The following CPNE4 variants were observed in gnomAD, a reference collection of about 807,000 sequenced individuals.
The protein encoded by CPNE4 is copine-4.
Under a neutral mutation model 67.9 loss-of-function variants are expected in CPNE4, and 25 were observed. The observed-to-expected ratio is 0.37, with a 90% CI of 0.27 to 0.51. The LOEUF (loss-of-function observed/expected upper bound fraction) is 0.51. Ranked by LOEUF, CPNE4 falls within the 20% of genes least tolerant of loss-of-function variation. The probability of loss-of-function intolerance (pLI) is 0.93; values close to 1 mark genes in which losing one functional copy is unlikely to be tolerated. For missense variants in CPNE4, 464 were observed against 690.8 expected, an observed-to-expected ratio of 0.67 and a Z score of 3.68; for synonymous variants, 242 against 244.9, an observed-to-expected ratio of 0.99 and a Z score of 0.11.
At chr3:131,748,435 T>C (rs2082545981) in intron 2 of CPNE4, among the ~76,000 whole-genome samples, 1 of 152,002 alleles carries the variant, frequency 6.6e-6, no homozygotes, top group African/African-American at 2.4e-5. Context: ...GGTTTTGATA[T>C]CAGGATTATA....
intron 2 of CPNE4, among the ~76,000 whole-genome samples, chr3:131,761,653 C>A (rs1583157736): frequency 6.6e-6 from 1 of 152,078 alleles, no homozygotes; most frequent in East Asian, 1.9e-4. Context: ...CCCAAGGCAA[C>A]TAACACCTGC....
chr3:131,938,027 A>G (rs1258141214), intron 1 of CPNE4, among the ~76,000 whole-genome samples: 1 of 152,122 alleles, frequency 6.6e-6, no homozygotes, highest in African/African-American at 2.4e-5. Context: ...AGATTTTCCT[A>G]AAGAAAGAAA....
chr3:131,643,985 C>T (rs990268752), intron 7 of CPNE4, among the ~76,000 whole-genome samples: 2 of 152,066 alleles, frequency 1.3e-5, no homozygotes, highest in African/African-American at 4.8e-5. Flanking sequence ...TTCATAGCAG[C>T]GCGAGAGTGG....
chr3:131,761,849 A>G (rs1160333116), intron 2 of CPNE4, among the ~76,000 whole-genome samples: 4 of 152,174 alleles, frequency 2.6e-5, no homozygotes, highest in Admixed American at 2.6e-4. Flanking sequence ...CTCAAAAATC[A>G]TAATTATCTG....
Position 131,717,921 on chromosome 3 carries a change from T to TC in CPNE4, c.360+5524dup, listed in dbSNP as rs1553758947. Among the ~76,000 whole-genome samples, 112 of 146,604 alleles carry TC rather than the reference T, an allele frequency of 7.6e-4. 3 individuals are homozygous for TC. Among genetic ancestry groups the TC allele is most frequent in the African/African-American group, 2.5e-3 (102 of 40,044 alleles). Reference sequence around the variant, plus strand: ...TTCTTTCTTTCTTTCTTTCTTTCTTTCTTTCTTTCTTTCTTTCTTTCTTTT... The same window carrying TC: ...TTCTTTCTTTCTTTCTTTCTTTCTTTCCTTTCTTTCTTTCTTTCTTTCTTTT... On this transcript the variant is annotated intron_variant, in intron 3 of 15. Coordinates refer to ENST00000429747, the MANE Select transcript of CPNE4 (RefSeq NM_130808.3).
rs369180052 is a variant in CPNE4 at position 131,552,423 on chromosome 3, T to C, written c.1168+17A>G. The C allele has an allele frequency of 9.3e-6, 15 of 1,610,450 alleles. No individual in the cohort carries two copies. Among genetic ancestry groups the C allele is most frequent in the Admixed American group, 1.7e-5 (1 of 59,850 alleles). On this transcript the variant is annotated intron_variant, in intron 13 of 15. Coordinates refer to ENST00000429747, the MANE Select transcript of CPNE4 (RefSeq NM_130808.3). Reference sequence around the variant, plus strand: ...GGAAGGACTGTGACACTGGCTTTCTTTCACGTTGTGCTTTACCTGCACATT... The same window carrying C: ...GGAAGGACTGTGACACTGGCTTTCTCTCACGTTGTGCTTTACCTGCACATT...
At chr3:131,938,004 C>T (rs573120728) in intron 1 of CPNE4, among the ~76,000 whole-genome samples, 3 of 151,948 alleles carry the variant, frequency 2.0e-5, no homozygotes, top group African/African-American at 7.2e-5. Context: ...AGATAATACT[C>T]GAATAAAAAT....
intron 2 of CPNE4, among the ~76,000 whole-genome samples, chr3:131,902,996 T>C (rs1458482831): frequency 6.6e-6 from 1 of 152,160 alleles, no homozygotes; most frequent in Non-Finnish European, 1.5e-5. Flanking sequence ...TTTCTGTGTA[T>C]GTTGACTCCT....
chr3:131,564,739 G>A (rs1443531156), intron 10 of CPNE4, among the ~76,000 whole-genome samples: 2 of 151,944 alleles, frequency 1.3e-5, no homozygotes, highest in South Asian at 2.1e-4. Context: ...TTCCATCTAC[G>A]CGGCATAGGT....
At chr3:131,729,971 A>C (rs559785726) in intron 2 of CPNE4, among the ~76,000 whole-genome samples, 1 of 152,368 alleles carries the variant, frequency 6.6e-6, no homozygotes, top group East Asian at 1.9e-4. Context: ...GCTCAGGCAG[A>C]AGGCACTTAC....
chr3:132,025,449 TTG>T (rs1270817766), intron 1 of CPNE4, among the ~76,000 whole-genome samples: 1 of 152,106 alleles, frequency 6.6e-6, no homozygotes, highest in Non-Finnish European at 1.5e-5. Context: ...GGCATAAAAT[TTG>T]TGAGTAGGAA....
intron 1 of CPNE4, among the ~76,000 whole-genome samples, chr3:131,932,193 T>C (rs897635919): frequency 6.6e-6 from 1 of 152,182 alleles, no homozygotes; most frequent in Admixed American, 6.5e-5. Flanking sequence ...AACAGAAGTA[T>C]ACACATGCTG....
chr3:131,745,854 T>C (rs974342036), intron 2 of CPNE4, among the ~76,000 whole-genome samples: 2 of 152,186 alleles, frequency 1.3e-5, no homozygotes, highest in African/African-American at 4.8e-5. Context: ...AGTCTTCTTT[T>C]ACAAAGTTGT....
rs368155455 is a variant in CPNE4 at position 132,032,861 on chromosome 3, G to A, written c.-2+1706C>T. On this transcript the variant is annotated intron_variant, in intron 1 of 15. Transcript: ENST00000429747. ...TTAATAAAAAGAAATGGGACCTTCC[G>A]AAACTTGAAGGGCATCAAATTAAGT... Among the ~76,000 whole-genome samples, 17 of 152,334 alleles carry A rather than the reference G, an allele frequency of 1.1e-4. No individual in the cohort carries two copies. In the East Asian group the frequency reaches 1.3e-3, roughly 12 times the overall value.
chr3:131,620,527 A>G, intron 7 of CPNE4: 2 of 902,612 alleles, frequency 2.2e-6, no homozygotes, highest in Non-Finnish European at 2.7e-6. Flanking sequence ...TTCCTCAAGT[A>G]TGTCCATACC....
intron 15 of CPNE4, chr3:131,537,677 C>T (rs186187116): frequency 8.1e-6 from 2 of 247,710 alleles, no homozygotes; most frequent in Non-Finnish European, 1.6e-5. Flanking sequence ...CCAACATGCT[C>T]TGGACACAGT....
intron 1 of CPNE4, among the ~76,000 whole-genome samples, chr3:131,952,080 GCGT>G (rs1213778939): frequency 6.7e-6 from 1 of 149,620 alleles, no homozygotes; most frequent in Non-Finnish European, 1.5e-5. Flanking sequence ...AAAGTGAGGA[GCGT>G]CTCTGCCCGG....
At chr3:131,566,668 C>A (rs186194257) in intron 10 of CPNE4, among the ~76,000 whole-genome samples, 20 of 152,040 alleles carry the variant, frequency 1.3e-4, no homozygotes, top group African/African-American at 4.1e-4. Flanking sequence ...TTGAGAAAAT[C>A]ATATCTTTGG....
intron 2 of CPNE4, among the ~76,000 whole-genome samples, chr3:131,897,127 T>G (rs2088369504): frequency 6.6e-6 from 1 of 152,026 alleles, no homozygotes; most frequent in Admixed American, 6.6e-5. Flanking sequence ...AACATTAATT[T>G]TATAGACTAG....
Sources: allele counts gnomAD v4.1 joint callset (sites outside exome capture counted in the v4.1 genomes callset), GRCh38; gene constraint gnomAD v4.1.1; transcripts MANE v1.5; gene names NCBI Gene and HGNC (gene_info 2026-07-23, HGNC 2026-07-21).